CAAP1: variants seen among roughly 807,000 people sequenced by gnomAD.
CAAP1 encodes the protein conserved anti-apoptotic protein.
A neutral mutation model predicts 34.0 loss-of-function variants in CAAP1; 20 were observed. The ratio of observed to expected loss-of-function variants is 0.59; its 90% confidence interval spans 0.41 to 0.86. CAAP1 has a LOEUF of 0.86. CAAP1 is among the 40% of genes least tolerant of loss of function. CAAP1 has a pLI of 0.00. For synonymous variants in CAAP1, 213 were observed against 166.7 expected, an observed-to-expected ratio of 1.28 and a Z score of -2.14; for missense variants, 538 against 450.5, an observed-to-expected ratio of 1.19 and a Z score of -1.76.
Position 26,887,605 on chromosome 9 carries a change from C to A in CAAP1, c.304-92G>T, listed in dbSNP as rs1411311474. The A allele has an allele frequency of 1.7e-5, 13 of 774,732 alleles. No homozygotes were observed. In the South Asian group the frequency reaches 2.7e-4, roughly 16 times the overall value. The allele number at this position is 774,732 out of a possible 1,614,324, so 48.0% of individuals were successfully genotyped here. On this transcript the variant is annotated intron_variant, in intron 1 of 5. Coordinates refer to ENST00000333916, the MANE Select transcript of CAAP1 (RefSeq NM_024828.4). ...ATCATACGTTTTCATTTAATAAATT[C>A]TTCTTCATCAAAAATTCCCAAATTC...
intron 4 of CAAP1, chr9:26,870,038 A>AAT (rs1823236304): frequency 1.1e-4 from 65 of 570,696 alleles, no homozygotes; most frequent in Middle Eastern, 1.9e-3. Flanking sequence ...AGAAAGAATA[A>AAT]CTTTTTTTTT....
intron 5 of CAAP1, among the ~76,000 whole-genome samples, chr9:26,858,250 T>C (rs901123073): frequency 5.3e-5 from 8 of 152,324 alleles, no homozygotes; most frequent in Admixed American, 2.6e-4. Flanking sequence ...TTGCAGGTTA[T>C]GCACATTACA....
rs773861072 is a variant in CAAP1 at position 26,856,065 on chromosome 9, C to A, written c.739+5001G>T. Reference sequence around the variant, plus strand: ...CTGGGTTGAAGCGATCCTCCCTCCTCGGCCTCCTAAAACTCTGGGATTGTG... The same window carrying A: ...CTGGGTTGAAGCGATCCTCCCTCCTAGGCCTCCTAAAACTCTGGGATTGTG... On this transcript the variant is annotated intron_variant, in intron 5 of 5. Coordinates refer to ENST00000333916, the MANE Select transcript of CAAP1 (RefSeq NM_024828.4). Among the ~76,000 whole-genome samples, 4 of 151,674 alleles carry A rather than the reference C, an allele frequency of 2.6e-5. 1 individual carries two copies. Among genetic ancestry groups the A allele is most frequent in the Non-Finnish European group, 5.9e-5 (4 of 67,978 alleles).
intron 4 of CAAP1, chr9:26,869,916 G>A (rs1013014181): frequency 4.1e-6 from 4 of 982,072 alleles, no homozygotes; most frequent in Non-Finnish European, 4.8e-6. Flanking sequence ...GTAGAAAAAA[G>A]GAAAAATACC....
chr9:26,861,476 A>C (rs1823001342), intron 4 of CAAP1, among the ~76,000 whole-genome samples: 1 of 152,312 alleles, frequency 6.6e-6, no homozygotes, highest in East Asian at 1.9e-4. Flanking sequence ...ATAATTTTTC[A>C]AGTTCAACTG....
intron 4 of CAAP1, among the ~76,000 whole-genome samples, chr9:26,884,007 C>G (rs1422021781): frequency 6.6e-6 from 1 of 152,180 alleles, no homozygotes; most frequent in Non-Finnish European, 1.5e-5. Flanking sequence ...CTTCTCTATG[C>G]TACTGCCCCT....
chr9:26,866,946 T>C (rs1323138109), intron 4 of CAAP1, among the ~76,000 whole-genome samples: 1 of 152,146 alleles, frequency 6.6e-6, no homozygotes, highest in Non-Finnish European at 1.5e-5. Context: ...ATCTGTGGCC[T>C]GTTAGGAACT....
rs754356646 is a variant in CAAP1, at chr9:26,886,121, A to AT, written c.571dup (p.Ile191AsnfsTer6). The AT allele has an allele frequency of 2.9e-4, 450 of 1,530,260 alleles. No individual in the cohort carries two copies. Among genetic ancestry groups the AT allele is most frequent in the South Asian group, 6.5e-4 (50 of 76,450 alleles). 94.8% of individuals were successfully genotyped at this position (1,530,260 alleles called of 1,614,324 possible). On this transcript the variant is annotated frameshift_variant, in exon 3 of 6. Coordinates refer to ENST00000333916, the MANE Select transcript of CAAP1 (RefSeq NM_024828.4). LOFTEE classifies it high-confidence loss of function. ...ATTCTTACCCTCAAGAATCTTCAAA[A>AT]TTTTTTTTTCAGACAGGAGCTCTAA...
intron 5 of CAAP1, among the ~76,000 whole-genome samples, chr9:26,854,755 C>A (rs2131303120): frequency 6.6e-6 from 1 of 152,174 alleles, no homozygotes; most frequent in East Asian, 1.9e-4. Context: ...GAGAAGACAA[C>A]TCACCAAAAA....
chr9:26,845,215 G>A (rs1364735745), intron 5 of CAAP1, among the ~76,000 whole-genome samples: 1 of 152,052 alleles, frequency 6.6e-6, no homozygotes, highest in African/African-American at 2.4e-5. Flanking sequence ...TGTTTCCTTG[G>A]TGCTTAAAAC....
chr9:26,866,944 C>T (rs1033038812), intron 4 of CAAP1, among the ~76,000 whole-genome samples: 2 of 152,070 alleles, frequency 1.3e-5, no homozygotes, highest in Non-Finnish European at 2.9e-5. Context: ...CAATCTGTGG[C>T]CTGTTAGGAA....
chr9:26,872,466 CT>C (rs1187276577), intron 4 of CAAP1, among the ~76,000 whole-genome samples: 1 of 151,522 alleles, frequency 6.6e-6, no homozygotes, highest in Non-Finnish European at 1.5e-5. Context: ...CATATGTATT[CT>C]ATTGCAAACA....
At chr9:26,882,898 G>C (rs1476862509) in intron 4 of CAAP1, among the ~76,000 whole-genome samples, 6 of 152,178 alleles carry the variant, frequency 3.9e-5, no homozygotes, top group Non-Finnish European at 5.9e-5. Context: ...AAATTTGACT[G>C]CCTCGCTGGA....
At chr9:26,889,645 A>G (rs572068084) in intron 1 of CAAP1, among the ~76,000 whole-genome samples, 32 of 151,680 alleles carry the variant, frequency 2.1e-4, no homozygotes, top group African/African-American at 7.8e-4. Context: ...AGGGGGGCAG[A>G]TAACAAGGTC....
intron 4 of CAAP1, among the ~76,000 whole-genome samples, chr9:26,882,258 G>A (rs1157449651): frequency 6.6e-6 from 1 of 152,196 alleles, no homozygotes; most frequent in Non-Finnish European, 1.5e-5. Context: ...AAGACAATGG[G>A]GAAAATGTCA....
At chr9:26,846,064 T>G (rs577871823) in intron 5 of CAAP1, among the ~76,000 whole-genome samples, 5 of 152,126 alleles carry the variant, frequency 3.3e-5, no homozygotes, top group Non-Finnish European at 7.3e-5. Context: ...GAATTTAATT[T>G]TAATTGCCAT....
chr9:26,854,503 T>G (rs1485575871), intron 5 of CAAP1, among the ~76,000 whole-genome samples: 1 of 149,468 alleles, frequency 6.7e-6, no homozygotes, highest in Non-Finnish European at 1.5e-5. Flanking sequence ...CTTCTTCTTG[T>G]GGGTCCCTTA....
chr9:26,874,794 GA>G (rs1337582233), intron 4 of CAAP1, among the ~76,000 whole-genome samples: 6 of 151,984 alleles, frequency 3.9e-5, no homozygotes, highest in African/African-American at 1.2e-4. Flanking sequence ...TAAGAGTAGG[GA>G]AATAATCTTT....
At position 26,892,459 on chromosome 9, in the gene CAAP1, T is replaced by C. The variant is rs927214529; in HGVS notation, c.257A>G (p.Lys86Arg). 3.2e-6 allele frequency: 5 copies of C among 1,577,972 alleles called. No individual in the cohort carries two copies. Among genetic ancestry groups the C allele is most frequent in the African/African-American group, 1.4e-5 (1 of 74,064 alleles). The stretch of plus-strand genomic sequence containing the variant: ...GCTGGAAGAGTCGGTACTCCTCCGC[T>C]TCCGGCGCTCGCTGCGCTCCACGCT... Reference protein sequence around the residue: ...GSSVERSERRKRRSTDSSSVS... With the variant: ...GSSVERSERRRRRSTDSSSVS... Residue 86 changes from lysine to arginine, a missense_variant, in exon 1 of 6, where the codon AAG becomes AGG. This residue lies in a region of CAAP1 where 514 missense variants were observed against 408.4 expected (regional missense o/e 1.26). Coordinates refer to ENST00000333916, the MANE Select transcript of CAAP1 (RefSeq NM_024828.4).
Sources: allele counts gnomAD v4.1 joint callset (sites outside exome capture counted in the v4.1 genomes callset), GRCh38; gene constraint gnomAD v4.1.1; regional missense constraint gnomAD v4.1.1; transcripts MANE v1.5; gene names NCBI Gene and HGNC (gene_info 2026-07-23, HGNC 2026-07-21).